STXBP2: variants seen among roughly 807,000 people sequenced by gnomAD.
STXBP2 encodes the protein syntaxin binding protein 2.
A neutral mutation model predicts 72.2 loss-of-function variants in STXBP2; 47 were observed. That is an observed-to-expected ratio of 0.65 (90% CI 0.51 to 0.83). STXBP2 has a LOEUF of 0.83. STXBP2 is among the 40% of genes least tolerant of loss of function. The pLI is 0.00. For synonymous variants in STXBP2, 367 were observed against 338.7 expected (o/e 1.08, Z -0.92); for missense variants, 702 against 807.6 (o/e 0.87, Z 1.58).
chr19:7,647,076 TG>T, intron 16 of STXBP2, 85 bp from the exon 17 acceptor site: 1 of 1,415,676 alleles, frequency 7.1e-7, no homozygotes, highest in South Asian at 1.2e-5. Flanking sequence ...GCCAGGATCT[TG>T]GCCCCTGAAT....
At chr19:7,646,530 C>T (rs761170835) in intron 16 of STXBP2, 186 bp downstream of exon 16, 10 of 672,610 alleles carry the variant, frequency 1.5e-5, no homozygotes, top group South Asian at 8.2e-5. Context: ...GGGGTGACAG[C>T]GGGGCCTGTG....
intron 15 of STXBP2, 95 bp from the exon 16 acceptor site, chr19:7,646,154 C>T: frequency 1.0e-6 from 1 of 1,001,958 alleles, no homozygotes; most frequent in Non-Finnish European, 1.5e-6. Flanking sequence ...CTTTGCCTGC[C>T]ATCCCCCACC....
At position 7,642,895 on chromosome 19, in the gene STXBP2, G is replaced by A. The variant is rs2031953173; in HGVS notation, c.960+72G>A. ...CCCTCCCCATGGGCGCAGGGCCACA[G>A]CCTGGATTTCGAGCCTGGACTGAGA... is the stretch of plus-strand genomic sequence containing the variant. On this transcript the variant is annotated intron_variant, in intron 11 of 18. Transcript: ENST00000221283. The surrounding 1 kb of genome is among the most constrained non-coding windows in gnomAD (Gnocchi z 6.0). 1.2e-6 allele frequency: 2 copies of A among 1,613,280 alleles called. No homozygotes were observed. The highest frequency in any genetic ancestry group is 4.5e-5 in the East Asian group (2 of 44,876).
the STXBP2 span, chr19:7,631,523 G>C: frequency 6.5e-7 from 1 of 1,536,102 alleles, no homozygotes; most frequent in Non-Finnish European, 8.7e-7. Context: ...GGCGGGAGGA[G>C]AAGCTCCTTC....
upstream of STXBP2, chr19:7,632,449 C>A: frequency 6.2e-7 from 1 of 1,613,924 alleles, no homozygotes; most frequent in South Asian, 1.1e-5. This position sits in a 1 kb window ranked among gnomAD's most constrained non-coding sequence, Gnocchi z 5.2. Context: ...CGTTGGTCAT[C>A]CATGCGGCGG....
chr19:7,647,578 C>A, intron 18 of STXBP2, 67 bp downstream of exon 18: 1 of 1,581,562 alleles, frequency 6.3e-7, no homozygotes, highest in Non-Finnish European at 8.6e-7. Context: ...CTTGTACCTT[C>A]TAGGTGTCTG....
At chr19:7,636,417 A>G (rs1226197202), upstream of STXBP2, 1 of 152,162 alleles carries the variant, frequency 6.6e-6, no homozygotes, top group Admixed American at 6.6e-5. Flanking sequence ...CCATGTGTGT[A>G]TCAGCATGTT....
intron 4 of STXBP2, chr19:7,640,414 A>AGG: frequency 1.6e-6 from 1 of 608,430 alleles, no homozygotes; most frequent in Non-Finnish European, 3.1e-6. Flanking sequence ...GTGTGTATGT[A>AGG]TGTGTGCGCG....
At chr19:7,632,004 A>G (rs74576782), upstream of STXBP2, 10,116 of 512,432 alleles carry the variant, frequency 0.02, 407 homozygotes, top group Admixed American at 0.12. The surrounding 1 kb of genome is among the most constrained non-coding windows in gnomAD (Gnocchi z 5.2). Context: ...CCTCGCTGGG[A>G]TCTTGATCAG....
chr19:7,639,675 C>T (rs2031707314), intron 3 of STXBP2, 56 bp from the exon 4 acceptor site: 3 of 1,556,680 alleles, frequency 1.9e-6, no homozygotes, highest in Middle Eastern at 2.2e-4. Context: ...CTGAGACTCC[C>T]CACGTGGCCC....
intron 1 of STXBP2, among the ~76,000 whole-genome samples, chr19:7,637,573 G>C (rs969459799): frequency 6.6e-6 from 1 of 152,084 alleles, no homozygotes; most frequent in Non-Finnish European, 1.5e-5. Flanking sequence ...TAGGGCTCTG[G>C]TCAGCGACCC....
At chr19:7,630,166 C>T in the STXBP2 span, 1 of 464,118 alleles carries the variant, frequency 2.2e-6, no homozygotes, top group Non-Finnish European at 3.8e-6. Context: ...AGCTCTCGGG[C>T]TCGTGGTGGG....
rs1296462896 is a variant in STXBP2 at position 7,639,715 on chromosome 19, C to T, written c.170-16C>T. 3.1e-6 allele frequency: 5 copies of T among 1,611,808 alleles called. No homozygotes were observed. Among genetic ancestry groups the T allele is most frequent in the East Asian group, 2.2e-5 (1 of 44,880 alleles). On this transcript the variant is annotated splice_polypyrimidine_tract_variant and intron_variant, in intron 3 of 18. Transcript: ENST00000221283. ...TGGATGCCACCCACCTGTGTCCCTT[C>T]CTCTGTTCCTACTAGTTGTTGAAGA... is the stretch of plus-strand genomic sequence containing the variant.
At chr19:7,631,900 C>T (rs1056332821), upstream of STXBP2, 84 of 1,218,214 alleles carry the variant, frequency 6.9e-5, no homozygotes, top group African/African-American at 7.4e-4. Context: ...AGGTAGCCAC[C>T]GTGTCCCACC....
In STXBP2 at chr19:7,640,763, G is replaced by T. The variant is rs776110816; in HGVS notation, c.279G>T (p.Gly93=). 3 of 1,614,200 alleles carry T rather than the reference G, an allele frequency of 1.9e-6. No homozygotes were observed. The highest frequency in any genetic ancestry group is 4.5e-5 in the East Asian group (2 of 44,892). The stretch of plus-strand genomic sequence containing the variant: ...AGGCCCTGATCAAAGACTTCCAGGG[G>T]ACCCCGACTTTCACCTACAAAGCGG... ...SVQALIKDFQ[G]TPTFTYKAAH... The change falls in exon 5 of 19, where the codon GGG becomes GGT. Residue 93 remains glycine, a synonymous_variant. Transcript: ENST00000221283.
upstream of STXBP2, chr19:7,632,804 G>A: frequency 6.4e-7 from 1 of 1,560,394 alleles, no homozygotes; most frequent in Non-Finnish European, 8.7e-7. This position sits in a 1 kb window ranked among gnomAD's most constrained non-coding sequence, Gnocchi z 5.2. Flanking sequence ...GCAGATTGAA[G>A]AAGCCCTCCT....
chr19:7,642,768 A>G lies in STXBP2; in HGVS notation c.905A>G (p.Lys302Arg). ...RHMHIADVSK[K>R]VTELLRTFCE... ...CCCCCGCCCACCCTCATGGCCAGGA[A>G]GGTCACGGAGCTCCTGAGGACCTTC... Residue 302 changes from lysine (K) to arginine (R), a missense_variant and splice_region_variant, in exon 11 of 19, where the codon AAG becomes AGG. Physicochemically the swap from Lys to Arg is conservative, Grantham distance 26. Transcript: ENST00000221283. The surrounding 1 kb of genome is among the most constrained non-coding windows in gnomAD (Gnocchi z 6.0). The G allele has an allele frequency of 6.2e-7, 1 of 1,613,966 alleles. No homozygotes were observed.
upstream of STXBP2, chr19:7,633,318 C>G (rs1040895787): frequency 2.8e-5 from 37 of 1,307,274 alleles, no homozygotes; most frequent in African/African-American, 5.1e-4. Flanking sequence ...GAGACTCACT[C>G]GTTAATTAGG....
At chr19:7,630,810 C>G in the STXBP2 span, 1 of 1,537,156 alleles carries the variant, frequency 6.5e-7, no homozygotes, top group East Asian at 2.4e-5. Flanking sequence ...CCATTTGTGA[C>G]TTTTCCTTAC....
Sources: gnomAD v4.1 joint callset for allele counts (sites outside exome capture counted in the v4.1 genomes callset) on GRCh38, gnomAD v4.1.1 for gene constraint, Gnocchi (gnomAD v3.1) non-coding constraint, MANE v1.5 for transcripts, NCBI Gene and HGNC (gene_info 2026-07-23, HGNC 2026-07-21) for gene names.